Variants in KIF13A observed in about 807,000 individuals in gnomAD.
KIF13A encodes kinesin-like protein KIF13A.
A neutral mutation model predicts 212.2 loss-of-function variants in KIF13A; 79 were observed. That is an observed-to-expected ratio of 0.37 (90% confidence interval 0.31 to 0.45). KIF13A has a LOEUF of 0.45. Among genes scored for constraint, KIF13A ranks in the 20% least tolerant of loss-of-function variants. The pLI is 1.00. For missense variants in KIF13A, 1,901 were observed against 2,209.0 expected (o/e 0.86, Z 2.79); for synonymous variants, 789 against 808.6 (o/e 0.98, Z 0.41).
rs1581502390 is a variant in KIF13A at position 17,845,478 on chromosome 6, G to C, written c.830+3899C>G. On this transcript the variant is annotated intron_variant, in intron 9 of 38. Coordinates refer to ENST00000259711, the MANE Select transcript of KIF13A (RefSeq NM_022113.6). ...ATGTTAGCTTATTGATAAGATGTTA[G>C]CTTATTAACCACAGGAATTGAAATA... Among the ~76,000 whole-genome samples, 4 of 152,292 alleles carry C rather than the reference G, an allele frequency of 2.6e-5. No homozygotes were observed. The South Asian group carries it at 8.3e-4, about 32-fold the overall frequency.
In KIF13A at chr6:17,834,986, C is replaced by T. The variant is rs901170703; in HGVS notation, c.1156-915G>A. On this transcript the variant is annotated intron_variant, in intron 11 of 38. Coordinates refer to ENST00000259711, the MANE Select transcript of KIF13A (RefSeq NM_022113.6). The surrounding 1 kb of genome is among the most constrained non-coding windows in gnomAD (Gnocchi z 4.0). ...GGTGGGTGAATCACTTGAGACCAGC[C>T]TGGCTAACATGGCGAAACCCTGTCT... 2.6e-5 allele frequency among the ~76,000 whole-genome samples: 4 copies of T among 151,828 alleles called. No homozygotes were observed. The South Asian group carries it at 8.3e-4, about 31-fold the overall frequency.
intron 9 of KIF13A, among the ~76,000 whole-genome samples, chr6:17,847,874 C>T (rs1314901584): frequency 7.9e-5 from 12 of 152,066 alleles, no homozygotes; most frequent in African/African-American, 1.7e-4. Context: ...TACAGTGGCG[C>T]GATCTCGGCT....
chr6:17,792,968 G>A (rs952900137), intron 25 of KIF13A, among the ~76,000 whole-genome samples: 10 of 152,198 alleles, frequency 6.6e-5, no homozygotes, highest in African/African-American at 2.2e-4. Flanking sequence ...ACATATGACG[G>A]TGAGGGAGGC....
At chr6:17,933,425 G>A (rs1453256431) in intron 2 of KIF13A, among the ~76,000 whole-genome samples, 3 of 27,690 alleles carry the variant, frequency 1.1e-4, no homozygotes, top group African/African-American at 2.6e-4. Context: ...TTTTTTTTTT[G>A]TAGAGACAAG....
chr6:17,923,274 CTAAATAAATAAA>C (rs34093488), intron 2 of KIF13A, among the ~76,000 whole-genome samples: 226 of 145,520 alleles, frequency 1.6e-3, no homozygotes, highest in African/African-American at 4.0e-3. Context: ...AACACTGTCC[CTAAATAAATAAA>C]TAAATAAATA....
chr6:17,877,411 C>T (rs1320948058), intron 3 of KIF13A, among the ~76,000 whole-genome samples: 2 of 152,174 alleles, frequency 1.3e-5, no homozygotes, highest in Admixed American at 1.3e-4. Context: ...CTTCCAATGA[C>T]TCTAGAGACC....
chr6:17,943,998 T>C, intron 2 of KIF13A, among the ~76,000 whole-genome samples: 1 of 152,218 alleles, frequency 6.6e-6, no homozygotes, highest in East Asian at 1.9e-4. Context: ...AATCATGAGC[T>C]AGAAGTATAT....
At chr6:17,925,682 G>C (rs940029322) in intron 2 of KIF13A, among the ~76,000 whole-genome samples, 2 of 152,170 alleles carry the variant, frequency 1.3e-5, no homozygotes, top group East Asian at 3.9e-4. Flanking sequence ...TTCAGTGTAT[G>C]TGCACTGCAT....
chr6:17,911,768 A>ATTT (rs34415921), intron 2 of KIF13A, among the ~76,000 whole-genome samples: 5 of 143,340 alleles, frequency 3.5e-5, no homozygotes, highest in African/African-American at 5.1e-5. Context: ...GTCAATAATA[A>ATTT]TTTTTTTTTT....
intron 26 of KIF13A, among the ~76,000 whole-genome samples, chr6:17,788,674 T>C (rs1484534638): frequency 6.6e-6 from 1 of 152,192 alleles, no homozygotes; most frequent in African/African-American, 2.4e-5. Flanking sequence ...CTTAAGACGT[T>C]ACATCAAGAA....
intron 31 of KIF13A, among the ~76,000 whole-genome samples, chr6:17,780,063 C>T (rs1350238926): frequency 6.6e-6 from 1 of 152,198 alleles, no homozygotes; most frequent in Non-Finnish European, 1.5e-5. Context: ...TTGTATTTTA[C>T]AAATTGTAGA....
At chr6:17,891,671 T>C (rs774029850) in intron 3 of KIF13A, among the ~76,000 whole-genome samples, 47 of 152,106 alleles carry the variant, frequency 3.1e-4, no homozygotes, top group Non-Finnish European at 2.5e-4. Context: ...GGCAGGAGGA[T>C]TGCTTGAGCC....
At chr6:17,890,050 T>C (rs1034298248) in intron 3 of KIF13A, among the ~76,000 whole-genome samples, 5 of 151,762 alleles carry the variant, frequency 3.3e-5, no homozygotes, top group African/African-American at 1.2e-4. Flanking sequence ...TAGCCAGGCG[T>C]GGTGACACAT....
chr6:17,805,881 GATC>G (rs943285907), intron 18 of KIF13A, among the ~76,000 whole-genome samples: 10 of 149,924 alleles, frequency 6.7e-5, no homozygotes, highest in African/African-American at 1.7e-4. Context: ...TTGATATTGT[GATC>G]ATTTTTCTTG....
Position 17,797,219 on chromosome 6 carries a change from C to T in KIF13A, c.2791-399G>A, listed in dbSNP as rs138156749. ...TATTTTTTTGTATTTTTAGTAGAGA[C>T]GGGGTTTCACCGTGTTAGCTACGAT... is the stretch of plus-strand genomic sequence containing the variant. On this transcript the variant is annotated intron_variant, in intron 22 of 38. Transcript: ENST00000259711. Among the ~76,000 whole-genome samples the T allele has an allele frequency of 3.4e-4, 52 of 152,012 alleles. No individual in the cohort carries two copies. The East Asian group carries it at 8.8e-3, about 26-fold the overall frequency.
At chr6:17,820,992 G>A (rs1304720638) in intron 16 of KIF13A, among the ~76,000 whole-genome samples, 1 of 152,162 alleles carries the variant, frequency 6.6e-6, no homozygotes, top group African/African-American at 2.4e-5. Flanking sequence ...CTGGCACTAC[G>A]CATGACCCTT....
rs750265966 is a variant in KIF13A, at chr6:17,780,892, G to A, written c.3684C>T (p.Ala1228=). Residue 1228 remains alanine, a synonymous_variant, in exon 31 of 39, where the codon GCC becomes GCT. Coordinates refer to ENST00000259711, the MANE Select transcript of KIF13A (RefSeq NM_022113.6). ...KHSDDEVSAT[A]SWDSSVHDSV... is the part of the protein sequence containing the mutation. ...AATCATGCACCGAGGAATCCCAAGA[G>A]GCTGTGGCTGAAACCTAGGAGTTGG... 1 of 1,613,346 alleles carries A rather than the reference G, an allele frequency of 6.2e-7. No homozygotes were observed. The highest frequency in any genetic ancestry group is 1.1e-5 in the South Asian group (1 of 90,966).
chr6:17,973,913 C>T (rs908357279), intron 2 of KIF13A, among the ~76,000 whole-genome samples: 3 of 152,188 alleles, frequency 2.0e-5, no homozygotes, highest in African/African-American at 7.2e-5. Flanking sequence ...TTAGAAAGAA[C>T]CTGTGCCTTC....
chr6:17,866,272 C>A (rs915380837), intron 4 of KIF13A, among the ~76,000 whole-genome samples: 1 of 152,034 alleles, frequency 6.6e-6, no homozygotes, highest in Non-Finnish European at 1.5e-5. Context: ...AAAGCCCAAA[C>A]CAAATATAAG....
Sources: allele counts gnomAD v4.1 joint callset (sites outside exome capture counted in the v4.1 genomes callset), GRCh38; gene constraint gnomAD v4.1.1; non-coding constraint Gnocchi (gnomAD v3.1); transcripts MANE v1.5; gene names NCBI Gene and HGNC (gene_info 2026-07-23, HGNC 2026-07-21).